Variants in SAFB2 observed in about 807,000 individuals in gnomAD.
The protein encoded by SAFB2 is scaffold attachment factor B2.
A neutral mutation model predicts 100.6 loss-of-function variants in SAFB2; 32 were observed. The observed-to-expected ratio is 0.32, with a 90% CI of 0.24 to 0.43. The LOEUF (loss-of-function observed/expected upper bound fraction) is 0.43. Ranked by LOEUF, SAFB2 falls within the 20% of genes least tolerant of loss-of-function variation. The probability of loss-of-function intolerance (pLI) is 1.00; values close to 1 mark genes in which losing one functional copy is unlikely to be tolerated. For missense variants in SAFB2, 1,185 were observed against 1,163.4 expected, an observed-to-expected ratio of 1.02 and a Z score of -0.27; for synonymous variants, 500 against 439.4, an observed-to-expected ratio of 1.14 and a Z score of -1.72.
intron 17 of SAFB2, 121 bp from the exon 18 acceptor site, chr19:5,590,529 GA>G (rs2052373571): frequency 8.7e-7 from 1 of 1,147,322 alleles, no homozygotes; most frequent in Non-Finnish European, 1.2e-6. Context: ...AGAGAGGACT[GA>G]AGGGTGCAGT....
chr19:5,594,166 C>T lies in SAFB2; in HGVS notation c.1932G>A (p.Gln644=), dbSNP rs1248962087. 1.9e-6 allele frequency: 3 copies of T among 1,595,748 alleles called. No homozygotes were observed. The highest frequency in any genetic ancestry group is 1.3e-5 in the African/African-American group (1 of 74,624). ...RETERRRERE[Q]REREQRLEAF... Reference sequence around the variant, plus strand: ...CCTCGAGGCGTTGCTCCCGCTCCCGCTGCTCGCGCTCCCTGCGGGGACAGG... The same window carrying T: ...CCTCGAGGCGTTGCTCCCGCTCCCGTTGCTCGCGCTCCCTGCGGGGACAGG... Residue 644 remains glutamine, a synonymous_variant, in exon 15 of 21, where the codon CAG becomes CAA. Transcript: ENST00000252542.
chr19:5,604,856 G>A lies in SAFB2; in HGVS notation c.1377C>T (p.Asp459=), dbSNP rs757828533. Residue 459 remains aspartate (D), a synonymous_variant, in exon 10 of 21, where the codon GAC becomes GAT. Coordinates refer to ENST00000252542, the MANE Select transcript of SAFB2 (RefSeq NM_014649.3). ...GATGGCTGATGCACTTGGTCGCCTC[G>A]TCAGATGTCGACATGGTGACGAATC... ...CYGFVTMSTS[D]EATKCISHLH... is the part of the protein sequence containing the mutation. 9.9e-6 allele frequency: 16 copies of A among 1,614,000 alleles called. No homozygotes were observed. Among genetic ancestry groups the A allele is most frequent in the East Asian group, 6.7e-5 (3 of 44,890 alleles).
intron 9 of SAFB2, 101 bp downstream of exon 9, chr19:5,609,894 T>G: frequency 9.7e-7 from 1 of 1,026,058 alleles, no homozygotes; most frequent in South Asian, 1.4e-5. Flanking sequence ...TGCCTCAGCC[T>G]CCCAAACTGC....
chr19:5,622,431 C>G (rs551178913), intron 1 of SAFB2, 99 bp downstream of exon 1: 1 of 1,283,516 alleles, frequency 7.8e-7, no homozygotes, highest in African/African-American at 1.6e-5. Context: ...AGACGCGGGG[C>G]GAACCCAGGG....
chr19:5,616,429 T>A lies in SAFB2; in HGVS notation c.332A>T (p.Asp111Val). Residue 111 changes from aspartate (D) to valine (V), a missense_variant, in exon 3 of 21, where the codon GAC becomes GTC. Transcript: ENST00000252542. Reference sequence around the variant, plus strand: ...TACCCTGACATCACTTACCTGCCCGTCTCTGGAATCGTCTTCCAGGCCATT... The same window carrying A: ...TACCCTGACATCACTTACCTGCCCGACTCTGGAATCGTCTTCCAGGCCATT... ...EDNGLEDDSR[D>V]GQEDMEASLE... is the part of the protein sequence containing the mutation. 1 of 1,614,044 alleles carries A rather than the reference T, an allele frequency of 6.2e-7. No homozygotes were observed. Among genetic ancestry groups the A allele is most frequent in the South Asian group, 1.1e-5 (1 of 91,070 alleles).
rs550282819 is a variant in SAFB2, at chr19:5,592,779, G to A, written c.2316C>T (p.Asp772=). 4 of 1,614,196 alleles carry A rather than the reference G, an allele frequency of 2.5e-6. No individual in the cohort carries two copies. Among genetic ancestry groups the A allele is most frequent in the Admixed American group, 3.3e-5 (2 of 60,028 alleles). ...DHRFHDFDHR[D]RGQYQDHAID... is the part of the protein sequence containing the mutation. ...TGGCGTGGTCCTGGTACTGGCCCCG[G>A]TCTCGATGATCGAAGTCGTGAAAGC... The change falls in exon 16 of 21, where the codon GAC becomes GAT. Residue 772 remains aspartate, a synonymous_variant. Coordinates refer to ENST00000252542, the MANE Select transcript of SAFB2 (RefSeq NM_014649.3).
intron 13 of SAFB2, among the ~76,000 whole-genome samples, chr19:5,595,763 A>G (rs956617450): frequency 6.6e-5 from 10 of 152,250 alleles, no homozygotes; most frequent in African/African-American, 2.2e-4. Context: ...ACCTACAGGC[A>G]CAGTTCTTCT....
chr19:5,592,524 C>T (rs755421424), intron 16 of SAFB2, among the ~76,000 whole-genome samples: 14 of 152,140 alleles, frequency 9.2e-5, no homozygotes, highest in South Asian at 2.1e-4. Flanking sequence ...TGAAAAGAGT[C>T]GGTGGATGGA....
chr19:5,590,462 C>T, intron 17 of SAFB2, 54 bp from the exon 18 acceptor site: 3 of 1,531,196 alleles, frequency 2.0e-6, no homozygotes, highest in South Asian at 1.3e-5. Context: ...CACATAGGCC[C>T]ACCTTCCGGA....
intron 9 of SAFB2, among the ~76,000 whole-genome samples, chr19:5,608,963 A>T (rs1419407904): frequency 6.7e-6 from 1 of 149,016 alleles, no homozygotes; most frequent in African/African-American, 2.5e-5. Context: ...CACGAGAATC[A>T]CTTGAACCTG....
At chr19:5,590,754 A>G (rs897544832) in intron 17 of SAFB2, among the ~76,000 whole-genome samples, 3 of 151,448 alleles carry the variant, frequency 2.0e-5, no homozygotes, top group African/African-American at 7.3e-5. Flanking sequence ...CGATAACAGG[A>G]GGGCCCTCGG....
rs2053138078 is a variant in SAFB2, at chr19:5,621,310, T to A, written c.273A>T (p.Lys91Asn). The A allele has an allele frequency of 6.2e-7, 1 of 1,602,218 alleles. No homozygotes were observed. The stretch of plus-strand genomic sequence containing the variant: ...CCCCAAGCAGCATATGTACAATACC[T>A]TTAACACATCTCTTGGCTGACTTCT... ...TSKKSAKRCV[K>N]GLKMEEEGTE... The change falls in exon 2 of 21, where the codon AAA (lysine) becomes AAT (asparagine). Residue 91 changes from lysine to asparagine, a missense_variant and splice_region_variant. Lys to Asn is a moderately conservative substitution (Grantham distance 94, BLOSUM62 0). Around this residue, in one of 3 missense-constraint regions of SAFB2, gnomAD observed 351 missense variants for 341.2 expected, o/e 1.03. Coordinates refer to ENST00000252542, the MANE Select transcript of SAFB2 (RefSeq NM_014649.3).
At chr19:5,601,834 C>CTACTGGAAGG (rs2052665775) in intron 11 of SAFB2, among the ~76,000 whole-genome samples, 1 of 152,174 alleles carries the variant, frequency 6.6e-6, no homozygotes, top group South Asian at 2.1e-4. Context: ...TGTGTTTATT[C>CTACTGGAAGG]ATCTGCTTTC....
Position 5,587,812 on chromosome 19 carries a change from C to G in SAFB2, c.2639-45G>C. 1.3e-6 allele frequency: 2 copies of G among 1,565,996 alleles called. No homozygotes were observed. Among genetic ancestry groups the G allele is most frequent in the Non-Finnish European group, 8.7e-7 (1 of 1,154,388 alleles). On this transcript the variant is annotated intron_variant, in intron 19 of 20. Coordinates refer to ENST00000252542, the MANE Select transcript of SAFB2 (RefSeq NM_014649.3). The surrounding 1 kb of genome is among the most constrained non-coding windows in gnomAD (Gnocchi z 4.9). ...TGCAAACACTCCGTTCCTGGGGAAGCCCCTGGACACATGTGGGGGCCACAG... is the reference window on the plus strand; with the variant it reads ...TGCAAACACTCCGTTCCTGGGGAAGGCCCTGGACACATGTGGGGGCCACAG...
intron 4 of SAFB2, chr19:5,613,780 G>C (rs534902182): frequency 3.1e-6 from 3 of 981,544 alleles, no homozygotes; most frequent in African/African-American, 3.5e-5. Flanking sequence ...ATGAACGAAT[G>C]AATTTCCCAG....
Position 5,600,115 on chromosome 19 carries a change from A to T in SAFB2, c.1690+15T>A, listed in dbSNP as rs1376647122. 1 of 1,605,380 alleles carries T rather than the reference A, an allele frequency of 6.2e-7. No homozygotes were observed. Among genetic ancestry groups the T allele is most frequent in the Non-Finnish European group, 8.5e-7 (1 of 1,177,790 alleles). ...AGGCCTTCCCCTTCCACAGCTCTTA[A>T]AAGGCTCTCCTCACCTGATTTGGTG... is the stretch of plus-strand genomic sequence containing the variant. On this transcript the variant is annotated intron_variant, in intron 12 of 20. Transcript: ENST00000252542.
At chr19:5,616,613 G>A (rs1384184132) in intron 2 of SAFB2, 127 bp from the exon 3 acceptor site, 3 of 597,094 alleles carry the variant, frequency 5.0e-6, no homozygotes, top group East Asian at 3.2e-5. Context: ...CCCCTCTCCT[G>A]TCACACGTAA....
intron 15 of SAFB2, 51 bp from the exon 16 acceptor site, chr19:5,592,938 G>A (rs912978862): frequency 1.3e-6 from 2 of 1,582,564 alleles, no homozygotes; most frequent in East Asian, 2.3e-5. Context: ...GAGAGAGGAG[G>A]AGGAAAAAAG....
At chr19:5,621,546 G>T (rs990595391) in intron 1 of SAFB2, 150 bp from the exon 2 acceptor site, 37 of 666,492 alleles carry the variant, frequency 5.6e-5, no homozygotes, top group Admixed American at 1.3e-4. Flanking sequence ...AGCCCAAAAG[G>T]CGGAGGAGGA....
Sources: allele counts gnomAD v4.1 joint callset (sites outside exome capture counted in the v4.1 genomes callset), GRCh38; gene constraint gnomAD v4.1.1; regional missense constraint gnomAD v4.1.1; non-coding constraint Gnocchi (gnomAD v3.1); transcripts MANE v1.5; gene names NCBI Gene and HGNC (gene_info 2026-07-23, HGNC 2026-07-21).